Variants in PDGFRA observed in about 807,000 individuals in gnomAD.
The protein encoded by PDGFRA is platelet-derived growth factor receptor alpha.
A neutral mutation model predicts 121.5 loss-of-function variants in PDGFRA; 25 were observed. That is an observed-to-expected ratio of 0.21 (90% confidence interval 0.15 to 0.29). PDGFRA has a LOEUF of 0.29. Among genes scored for constraint, PDGFRA ranks in the 10% least tolerant of loss-of-function variants. The pLI, the probability that PDGFRA is intolerant of heterozygous loss-of-function variation, is 1.00. For missense variants in PDGFRA, 1,008 were observed against 1,345.1 expected, an observed-to-expected ratio of 0.75 and a Z score of 3.92; for synonymous variants, 463 against 494.8, an observed-to-expected ratio of 0.94 and a Z score of 0.85.
chr4:54,281,299 G>A (rs1724067050), intron 16 of PDGFRA, among the ~76,000 whole-genome samples: 1 of 152,206 alleles, frequency 6.6e-6, no homozygotes, highest in Non-Finnish European at 1.5e-5. Context: ...ATGCAAAAAA[G>A]TGTTGAGCTG....
chr4:54,249,026 C>T (rs1268625066), intron 1 of PDGFRA, among the ~76,000 whole-genome samples: 3 of 152,184 alleles, frequency 2.0e-5, no homozygotes, highest in South Asian at 2.1e-4. Context: ...GAGATAGCAT[C>T]TCACACCAGT....
chr4:54,289,680 C>G (rs1479045034), intron 21 of PDGFRA, among the ~76,000 whole-genome samples: 1 of 152,096 alleles, frequency 6.6e-6, no homozygotes, highest in African/African-American at 2.4e-5. Context: ...ACTTTTTATA[C>G]TTATCATTTT....
At chr4:54,272,247 T>A in intron 8 of PDGFRA, 147 bp from the exon 9 acceptor site, 1 of 779,010 alleles carries the variant, frequency 1.3e-6, no homozygotes, top group East Asian at 2.5e-5. Context: ...CTGTCTAAAC[T>A]GGAGTGTTAC....
chr4:54,263,022 T>G (rs1722839806), intron 3 of PDGFRA, among the ~76,000 whole-genome samples: 1 of 152,214 alleles, frequency 6.6e-6, no homozygotes, highest in Admixed American at 6.5e-5. Flanking sequence ...CACCGTAGCT[T>G]AAGTAGCTGT....
At chr4:54,237,859 G>A (rs1156856225) in intron 1 of PDGFRA, among the ~76,000 whole-genome samples, 2 of 152,210 alleles carry the variant, frequency 1.3e-5, no homozygotes, top group East Asian at 3.9e-4. Flanking sequence ...GGTGGGATAT[G>A]GCTAAAACAC....
At chr4:54,235,570 G>T (rs1363367685) in intron 1 of PDGFRA, among the ~76,000 whole-genome samples, 1 of 152,192 alleles carries the variant, frequency 6.6e-6, no homozygotes, top group East Asian at 1.9e-4. Flanking sequence ...GTATATATTG[G>T]CTCATCTTTG....
At chr4:54,274,246 C>A (rs1723578715) in intron 10 of PDGFRA, among the ~76,000 whole-genome samples, 1 of 152,196 alleles carries the variant, frequency 6.6e-6, no homozygotes, top group Admixed American at 6.5e-5. Flanking sequence ...TTATCCTATT[C>A]AAATTCTGTC....
At chr4:54,250,091 A>T (rs142892288) in intron 1 of PDGFRA, among the ~76,000 whole-genome samples, 211 of 152,322 alleles carry the variant, frequency 1.4e-3, no homozygotes, top group African/African-American at 4.9e-3. Context: ...GTATTATTAC[A>T]AGATAATGAA....
chr4:54,277,936 A>C lies in PDGFRA; in HGVS notation c.1932A>C (p.Glu644Asp). The C allele has an allele frequency of 6.2e-7, 1 of 1,613,970 alleles. No individual in the cohort carries two copies. Among genetic ancestry groups the C allele is most frequent in the Non-Finnish European group, 8.5e-7 (1 of 1,179,844 alleles). The stretch of plus-strand genomic sequence containing the variant: ...GTGAAAAACAAGCTCTCATGTCTGA[A>C]CTGAAGATAATGACTCACCTGGGGC... ...RSSEKQALMS[E>D]LKIMTHLGPH... Residue 644 changes from glutamate (E) to aspartate (D), a missense_variant, in exon 14 of 23, where the codon GAA (glutamate) becomes GAC (aspartate). This residue lies in a region of PDGFRA where 61 missense variants were observed against 125.3 expected (regional missense o/e 0.49). Coordinates refer to ENST00000257290, the MANE Select transcript of PDGFRA (RefSeq NM_006206.6).
At chr4:54,249,596 G>A (rs571161111) in intron 1 of PDGFRA, among the ~76,000 whole-genome samples, 30 of 152,134 alleles carry the variant, frequency 2.0e-4, no homozygotes, top group Admixed American at 1.5e-3. Context: ...AGAACAACAC[G>A]GACACAGGAA....
intron 7 of PDGFRA, 71 bp from the exon 8 acceptor site, chr4:54,270,562 G>A (rs1449369180): frequency 1.2e-6 from 1 of 820,210 alleles, no homozygotes; most frequent in Non-Finnish European, 2.1e-6. Flanking sequence ...TTAAATTGAA[G>A]AGTACAATTG....
chr4:54,244,976 A>G (rs1721548773), intron 1 of PDGFRA, among the ~76,000 whole-genome samples: 1 of 152,246 alleles, frequency 6.6e-6, no homozygotes, highest in South Asian at 2.1e-4. Context: ...CAGTGATGGA[A>G]GATGAAATGA....
At chr4:54,278,571 G>T (rs2110317711) in intron 15 of PDGFRA, 56 bp downstream of exon 15, 1 of 1,545,944 alleles carries the variant, frequency 6.5e-7, no homozygotes, top group Non-Finnish European at 8.9e-7. Context: ...ATCACAAATG[G>T]AAAGACCCAT....
intron 15 of PDGFRA, 139 bp downstream of exon 15, chr4:54,278,654 G>A (rs1421632877): frequency 1.4e-5 from 11 of 780,710 alleles, no homozygotes; most frequent in Admixed American, 4.1e-5. Context: ...ACCCTGTCCA[G>A]TCTTTCCATG....
At chr4:54,258,246 G>C (rs768355810) in intron 1 of PDGFRA, among the ~76,000 whole-genome samples, 1 of 152,118 alleles carries the variant, frequency 6.6e-6, no homozygotes, top group Non-Finnish European at 1.5e-5. Context: ...GCCCAGGTCT[G>C]AGCCTGGTAT....
At chr4:54,273,065 T>G (rs1723490951) in intron 9 of PDGFRA, among the ~76,000 whole-genome samples, 1 of 152,200 alleles carries the variant, frequency 6.6e-6, no homozygotes, top group Non-Finnish European at 1.5e-5. Flanking sequence ...GACTGGGGTT[T>G]CTAGTAGATT....
intron 16 of PDGFRA, among the ~76,000 whole-genome samples, chr4:54,282,454 C>T (rs975457036): frequency 1.3e-5 from 2 of 152,150 alleles, no homozygotes; most frequent in Admixed American, 1.3e-4. Context: ...TCAGATCTTA[C>T]AAGAAGTCAC....
At position 54,290,472 on chromosome 4, in the gene PDGFRA, G is replaced by A. The variant is rs768291477; in HGVS notation, c.3040G>A (p.Ala1014Thr). 39 of 1,613,500 alleles carry A rather than the reference G, an allele frequency of 2.4e-5. No homozygotes were observed. Among genetic ancestry groups the A allele is most frequent in the Non-Finnish European group, 3.0e-5 (35 of 1,179,518 alleles). ...EGGLDEQRLS[A>T]DSGYIIPLPD... ...TGGTCTGGATGAGCAGAGACTGAGC[G>A]CTGACAGTGGCTACATCATTCCTCT... is the stretch of plus-strand genomic sequence containing the variant. The change falls in exon 22 of 23, where the codon GCT (alanine) becomes ACT (threonine). Residue 1014 changes from alanine (A) to threonine (T), a missense_variant. This residue lies in a region of PDGFRA where 204 missense variants were observed against 243.0 expected (regional missense o/e 0.84). Transcript: ENST00000257290.
At position 54,254,244 on chromosome 4, in the gene PDGFRA, G is replaced by C. The variant is rs1722225829; in HGVS notation, c.-12-4513G>C. 2.0e-5 allele frequency among the ~76,000 whole-genome samples: 3 copies of C among 152,182 alleles called. No individual in the cohort carries two copies. The South Asian group carries it at 6.2e-4, about 32-fold the overall frequency. On this transcript the variant is annotated intron_variant, in intron 1 of 22. Transcript: ENST00000257290. Reference sequence around the variant, plus strand: ...GGGCAAGCACTGCCATTATGCATGAGTAAACTGTCTGAGTTATAGATAAGT... The same window carrying C: ...GGGCAAGCACTGCCATTATGCATGACTAAACTGTCTGAGTTATAGATAAGT...
Sources: gnomAD v4.1 joint callset for allele counts (sites outside exome capture counted in the v4.1 genomes callset) on GRCh38, gnomAD v4.1.1 for gene constraint, gnomAD v4.1.1 regional missense constraint, MANE v1.5 for transcripts, NCBI Gene and HGNC (gene_info 2026-07-23, HGNC 2026-07-21) for gene names.